Variants in NT5M observed in about 807,000 individuals in gnomAD.
The protein encoded by NT5M is 5',3'-nucleotidase, mitochondrial, also known as 5'(3')-deoxyribonucleotidase, mitochondrial.
Under a neutral mutation model 22.2 loss-of-function variants are expected in NT5M, and 22 were observed. The ratio of observed to expected loss-of-function variants is 0.99; its 90% CI spans 0.71 to 1.41. The LOEUF is 1.41. NT5M is among the 40% of genes most tolerant of loss of function. The pLI is 0.00. For synonymous variants in NT5M, 167 were observed against 133.0 expected (o/e 1.26, Z -1.76); for missense variants, 322 against 314.8 (o/e 1.02, Z -0.17).
In NT5M at chr17:17,345,003, A is replaced by C. The variant is rs978702634; in HGVS notation, c.544+95A>C. On this transcript the variant is annotated intron_variant, in intron 4 of 4. Transcript: ENST00000389022. Reference sequence around the variant, plus strand: ...TGAGCACTCAGTTGCTTCCTGCCCCACTTAGTCACCAGCTGTTTGCCAGGC... The same window carrying C: ...TGAGCACTCAGTTGCTTCCTGCCCCCCTTAGTCACCAGCTGTTTGCCAGGC... 1.4e-5 allele frequency: 21 copies of C among 1,536,934 alleles called. No homozygotes were observed. In the South Asian group the frequency reaches 2.1e-4, roughly 15 times the overall value.
intron 1 of NT5M, chr17:17,304,296 TG>T (rs11343472): frequency 0.14 from 76,380 of 543,650 alleles, 5,964 homozygotes; most frequent in African/African-American, 0.2. Flanking sequence ...TGTGACTTTC[TG>T]GGGGTCACAC....
chr17:17,312,487 C>A (rs1319531572), intron 2 of NT5M, among the ~76,000 whole-genome samples: 1 of 151,556 alleles, frequency 6.6e-6, no homozygotes, highest in African/African-American at 2.4e-5. Flanking sequence ...ACTAAAAATA[C>A]AAACAAATTA....
chr17:17,321,853 G>T (rs932070236), intron 2 of NT5M, among the ~76,000 whole-genome samples: 22 of 151,930 alleles, frequency 1.4e-4, no homozygotes, highest in African/African-American at 5.3e-4. Context: ...CGAGGCTGAA[G>T]AGTTGAGTAC....
chr17:17,334,202 A>G (rs7219953), intron 3 of NT5M, among the ~76,000 whole-genome samples: 1,927 of 151,970 alleles, frequency 0.013, 54 homozygotes, highest in African/African-American at 0.044. Context: ...CCTGACGTCA[A>G]GTGATCCACC....
chr17:17,326,122 A>G (rs2145385506), intron 3 of NT5M, among the ~76,000 whole-genome samples: 1 of 152,364 alleles, frequency 6.6e-6, no homozygotes, highest in African/African-American at 2.4e-5. Flanking sequence ...CGGCGAGTAC[A>G]GTGCTTGCCA....
rs190993697 is a variant in NT5M at position 17,311,075 on chromosome 17, G to A, written c.368+4432G>A. 2.4e-3 allele frequency among the ~76,000 whole-genome samples: 369 copies of A among 152,268 alleles called. 1 individual carries two copies. The highest frequency in any genetic ancestry group is 0.017 in the Middle Eastern group (5 of 294). ...TTTTGGGCCGGGCGCGGTGGCTCACGCTTGTAATCCCAGCACTTTGGGAGG... is the reference window on the plus strand; with the variant it reads ...TTTTGGGCCGGGCGCGGTGGCTCACACTTGTAATCCCAGCACTTTGGGAGG... On this transcript the variant is annotated intron_variant, in intron 2 of 4. Coordinates refer to ENST00000389022, the MANE Select transcript of NT5M (RefSeq NM_020201.4).
At chr17:17,315,672 G>A (rs1268654761) in intron 2 of NT5M, among the ~76,000 whole-genome samples, 11 of 151,360 alleles carry the variant, frequency 7.3e-5, no homozygotes, top group African/African-American at 2.4e-4. Flanking sequence ...CTGGAACTTA[G>A]GAAGCATGTT....
rs1359163501 is a variant in NT5M at position 17,344,778 on chromosome 17, G to T, written c.430-16G>T. ...CACTTTCTTCTCACCACCTGCCCTTGCCTGTTTGCGTCCAGTATGCCTGGG... is the reference window on the plus strand; with the variant it reads ...CACTTTCTTCTCACCACCTGCCCTTTCCTGTTTGCGTCCAGTATGCCTGGG... On this transcript the variant is annotated splice_polypyrimidine_tract_variant and intron_variant, in intron 3 of 4. Coordinates refer to ENST00000389022, the MANE Select transcript of NT5M (RefSeq NM_020201.4). 5 of 1,613,226 alleles carry T rather than the reference G, an allele frequency of 3.1e-6. No homozygotes were observed. The highest frequency in any genetic ancestry group is 4.2e-6 in the Non-Finnish European group (5 of 1,179,504).
At position 17,347,080 on chromosome 17, in the gene NT5M, C is replaced by T; in HGVS notation, c.*133C>T. ...CCCCATGACCTCCTGCTGCATGTCC[C>T]TTCCCTTCCCCAGCCCTGCCAGGCC... On this transcript the variant is annotated 3_prime_UTR_variant, in exon 5 of 5. Coordinates refer to ENST00000389022, the MANE Select transcript of NT5M (RefSeq NM_020201.4). 1 of 1,157,118 alleles carries T rather than the reference C, an allele frequency of 8.6e-7. No individual in the cohort carries two copies. The highest frequency in any genetic ancestry group is 1.2e-6 in the Non-Finnish European group (1 of 837,594). 71.7% of individuals were successfully genotyped at this position (1,157,118 alleles called of 1,614,324 possible). A position where few individuals can be genotyped will look rare whatever the true frequency, so the allele number is the denominator to read the frequency against.
At chr17:17,327,367 A>G (rs1308383737) in intron 3 of NT5M, among the ~76,000 whole-genome samples, 1 of 95,084 alleles carries the variant, frequency 1.1e-5, no homozygotes, top group African/African-American at 3.7e-5. Context: ...TTTGTGAGAC[A>G]GGGTCCAGCT....
intron 3 of NT5M, among the ~76,000 whole-genome samples, chr17:17,337,242 CTTTTG>C (rs377371367): frequency 1.3e-5 from 2 of 151,886 alleles, no homozygotes; most frequent in African/African-American, 4.8e-5. Flanking sequence ...ATTTGTATGT[CTTTTG>C]TTTTGTGTTG....
At chr17:17,321,071 G>A (rs1431986885) in intron 2 of NT5M, among the ~76,000 whole-genome samples, 2 of 152,108 alleles carry the variant, frequency 1.3e-5, no homozygotes, top group African/African-American at 4.8e-5. Flanking sequence ...CTGGAATGTG[G>A]GGGTCAAGGC....
Position 17,303,685 on chromosome 17 carries a change from GC to G in NT5M, c.136del (p.Leu46TrpfsTer43), listed in dbSNP as rs2048729557. 6.3e-7 allele frequency: 1 copy of G among 1,585,700 alleles called. No homozygotes were observed. Among genetic ancestry groups the G allele is most frequent in the Admixed American group, 1.7e-5 (1 of 57,676 alleles). The stretch of plus-strand genomic sequence containing the variant: ...GGGTGCTGGTGGACATGGACGGCGT[GC>G]TGGCTGACTTCGAGGGCGGATTCCT... The part of the protein sequence containing the change: ...LRVLVDMDGV[L>X]ADFEGGFLRK... On this transcript the variant is annotated frameshift_variant, in exon 1 of 5. Transcript: ENST00000389022. LOFTEE classifies it high-confidence loss of function.
chr17:17,331,052 A>G, intron 3 of NT5M, among the ~76,000 whole-genome samples: 1 of 151,510 alleles, frequency 6.6e-6, no homozygotes, highest in East Asian at 1.9e-4. Flanking sequence ...TTCTTTGCAT[A>G]TTTTACATTA....
At chr17:17,319,419 C>A (rs1008181951) in intron 2 of NT5M, among the ~76,000 whole-genome samples, 12 of 151,964 alleles carry the variant, frequency 7.9e-5, no homozygotes, top group Non-Finnish European at 1.5e-4. Flanking sequence ...TAATTATACA[C>A]TTAAAATAGG....
intron 2 of NT5M, 87 bp downstream of exon 2, chr17:17,306,730 C>A: frequency 1.1e-6 from 1 of 923,274 alleles, no homozygotes. Context: ...CCTCCTCTGC[C>A]TTCTCCTTTC....
intron 2 of NT5M, among the ~76,000 whole-genome samples, chr17:17,319,875 G>T (rs558816700): frequency 6.6e-6 from 1 of 152,270 alleles, no homozygotes; most frequent in Admixed American, 6.5e-5. Context: ...ACGGAGTCTC[G>T]CTCTGTCGTC....
chr17:17,303,602 C>T lies in NT5M; in HGVS notation c.52C>T (p.Pro18Ser), dbSNP rs2048726480. 8.2e-7 allele frequency: 1 copy of T among 1,225,900 alleles called. No individual in the cohort carries two copies. The highest frequency in any genetic ancestry group is 1.0e-6 in the Non-Finnish European group (1 of 978,544). 75.9% of individuals were successfully genotyped at this position (1,225,900 alleles called of 1,614,324 possible). A position where few individuals can be genotyped will look rare whatever the true frequency, so the allele number is the denominator to read the frequency against. The change falls in exon 1 of 5, where the codon CCC (proline) becomes TCC (serine). Residue 18 changes from proline (P) to serine (S), a missense_variant. Coordinates refer to ENST00000389022, the MANE Select transcript of NT5M (RefSeq NM_020201.4). Reference sequence around the variant, plus strand: ...GCGGCGGCTCTGCAGCGCGGCGGTTCCCGCGGGGCGGCGCGGGGCGGCGGG... The same window carrying T: ...GCGGCGGCTCTGCAGCGCGGCGGTTTCCGCGGGGCGGCGCGGGGCGGCGGG... ...CARRLCSAAVPAGRRGAAGGL... is the reference protein window; with the variant it reads ...CARRLCSAAVSAGRRGAAGGL...
intron 3 of NT5M, among the ~76,000 whole-genome samples, chr17:17,336,552 T>C (rs1313353794): frequency 1.4e-5 from 2 of 146,296 alleles, no homozygotes; most frequent in East Asian, 3.9e-4. Flanking sequence ...CTTTTTTCTT[T>C]TCTTTTTTTT....
Sources: gnomAD v4.1 joint callset for allele counts (sites outside exome capture counted in the v4.1 genomes callset) on GRCh38, gnomAD v4.1.1 for gene constraint, MANE v1.5 for transcripts, NCBI Gene and HGNC (gene_info 2026-07-23, HGNC 2026-07-21) for gene names.